The following ARHGAP6 variants were observed in gnomAD, a reference collection of about 807,000 sequenced individuals.
The protein encoded by ARHGAP6 is Rho GTPase activating protein 6, also known as rho GTPase-activating protein 6.
In ARHGAP6, 16 loss-of-function variants were observed where a neutral mutation model predicts 55.7. The observed-to-expected ratio is 0.29, with a 90% CI of 0.19 to 0.44. ARHGAP6 has a LOEUF of 0.44. Among genes scored for constraint, ARHGAP6 ranks in the 20% least tolerant of loss-of-function variants. The pLI, the probability that ARHGAP6 is intolerant of heterozygous loss-of-function variation, is 1.00. For missense variants in ARHGAP6, 698 were observed against 808.9 expected, an observed-to-expected ratio of 0.86 and a Z score of 1.66; for synonymous variants, 382 against 360.9, an observed-to-expected ratio of 1.06 and a Z score of -0.66.
chrX:11,162,045 G>T (rs1403506111), intron 9 of ARHGAP6, among the ~76,000 whole-genome samples: 1 of 111,342 alleles, frequency 9.0e-6, no homozygotes, highest in Non-Finnish European at 1.9e-5. Flanking sequence ...TGTTTACCCA[G>T]AACTGAAACA....
intron 8 of ARHGAP6, among the ~76,000 whole-genome samples, chrX:11,171,913 A>T (rs1239508901): frequency 2.7e-5 from 3 of 111,853 alleles, no homozygotes; most frequent in Non-Finnish European, 5.6e-5. Context: ...GTGGGGTAAA[A>T]TTGCTCCTGG....
chrX:11,266,759 T>C (rs772976268), intron 1 of ARHGAP6, among the ~76,000 whole-genome samples: 45 of 112,039 alleles, frequency 4.0e-4, no homozygotes, highest in Admixed American at 1.3e-3. Flanking sequence ...AGTTCTCTCA[T>C]GGGTCTCAAG....
rs765799638 is a variant in ARHGAP6 at position 11,356,232 on chromosome X, G to C, written c.589-101525C>G. Among the ~76,000 whole-genome samples the C allele has an allele frequency of 4.6e-5, 5 of 109,628 alleles. No individual in the cohort carries two copies. In the East Asian group the frequency reaches 1.1e-3, roughly 25 times the overall value. ...GAACAAAGAGAACACATGGACACAGGGAGGGGAACATCACACACCGGGGCC... is the reference window on the plus strand; with the variant it reads ...GAACAAAGAGAACACATGGACACAGCGAGGGGAACATCACACACCGGGGCC... On this transcript the variant is annotated intron_variant, in intron 1 of 12. Coordinates refer to ENST00000337414, the MANE Select transcript of ARHGAP6 (RefSeq NM_013427.3).
At chrX:11,308,610 C>T (rs909561948) in intron 1 of ARHGAP6, among the ~76,000 whole-genome samples, 3 of 111,340 alleles carry the variant, frequency 2.7e-5, no homozygotes, top group African/African-American at 9.8e-5. Flanking sequence ...TTATATAGTA[C>T]CCAATGATTG....
rs189763997 is a variant in ARHGAP6, at chrX:11,570,594, T to A, written c.588+93647A>T. 8.1e-5 allele frequency among the ~76,000 whole-genome samples: 9 copies of A among 110,675 alleles called. No individual in the cohort carries two copies. In the East Asian group the frequency reaches 2.6e-3, roughly 31 times the overall value. On this transcript the variant is annotated intron_variant, in intron 1 of 12. Transcript: ENST00000337414. ...CACTATTATTATCCCCCACTTATGG[T>A]ACAGAAACTGAGGCATGGGGAATCA...
intron 1 of ARHGAP6, among the ~76,000 whole-genome samples, chrX:11,359,695 CA>C (rs1377898498): frequency 9.0e-6 from 1 of 111,387 alleles, no homozygotes; most frequent in African/African-American, 3.3e-5. Flanking sequence ...AAAAACCCTT[CA>C]AAAAATTAAT....
intron 9 of ARHGAP6, among the ~76,000 whole-genome samples, chrX:11,168,710 TGAA>T (rs2046048697): frequency 8.9e-6 from 1 of 111,865 alleles, no homozygotes; most frequent in African/African-American, 3.2e-5. Flanking sequence ...AGAAAAAACA[TGAA>T]GAAGGTTCCT....
chrX:11,599,945 G>A (rs192481728), intron 1 of ARHGAP6, among the ~76,000 whole-genome samples: 1 of 112,212 alleles, frequency 8.9e-6, no homozygotes, highest in Non-Finnish European at 1.9e-5. Flanking sequence ...GTTTCAAAAC[G>A]AATGTTTCTA....
Position 11,339,344 on chromosome X carries a change from T to C in ARHGAP6, c.589-84637A>G, listed in dbSNP as rs2048675835. On this transcript the variant is annotated intron_variant, in intron 1 of 12. Coordinates refer to ENST00000337414, the MANE Select transcript of ARHGAP6 (RefSeq NM_013427.3). Reference sequence around the variant, plus strand: ...CCTCTCCCACTTCCTCATTCTTTAATGCGCAGGGAAGCCTTTCCTGACCCT... The same window carrying C: ...CCTCTCCCACTTCCTCATTCTTTAACGCGCAGGGAAGCCTTTCCTGACCCT... Among the ~76,000 whole-genome samples the C allele has an allele frequency of 3.6e-5, 4 of 111,339 alleles. No individual in the cohort carries two copies. In the Admixed American group the frequency reaches 3.8e-4, roughly 11 times the overall value.
At chrX:11,522,598 C>T (rs1393063140) in intron 1 of ARHGAP6, among the ~76,000 whole-genome samples, 1 of 111,677 alleles carries the variant, frequency 9.0e-6, no homozygotes, top group African/African-American at 3.3e-5. Flanking sequence ...TCAGAGAATA[C>T]TATAAACACC....
At chrX:11,623,908 A>G (rs1392208645) in intron 1 of ARHGAP6, among the ~76,000 whole-genome samples, 1 of 111,571 alleles carries the variant, frequency 9.0e-6, no homozygotes, top group East Asian at 2.8e-4. Context: ...ACAATAGAAA[A>G]CAGAATAGCC....
chrX:11,468,715 C>G (rs748744071), intron 1 of ARHGAP6, among the ~76,000 whole-genome samples: 22 of 112,205 alleles, frequency 2.0e-4, no homozygotes, highest in African/African-American at 6.8e-4. Flanking sequence ...GAGAAAATTT[C>G]TTCCAACAAA....
chrX:11,530,898 C>A (rs1304323253), intron 1 of ARHGAP6, among the ~76,000 whole-genome samples: 1 of 111,336 alleles, frequency 9.0e-6, no homozygotes, highest in Admixed American at 9.6e-5. Context: ...TCCTACCAAG[C>A]CTTATTAGAC....
At chrX:11,189,168 G>C (rs2046423343) in intron 3 of ARHGAP6, among the ~76,000 whole-genome samples, 184 bp from the exon 4 acceptor site, 1 of 111,930 alleles carries the variant, frequency 8.9e-6, no homozygotes, top group Non-Finnish European at 1.9e-5. Flanking sequence ...TTTCAATAAA[G>C]AAAACTAGTA....
At chrX:11,262,281 A>T (rs1048843550) in intron 1 of ARHGAP6, among the ~76,000 whole-genome samples, 23 of 111,799 alleles carry the variant, frequency 2.1e-4, no homozygotes, top group African/African-American at 7.5e-4. Context: ...AGTGTTAACT[A>T]AAGAGATTTC....
At chrX:11,633,254 A>G (rs2052379923) in intron 1 of ARHGAP6, among the ~76,000 whole-genome samples, 1 of 112,422 alleles carries the variant, frequency 8.9e-6, no homozygotes, top group Non-Finnish European at 1.9e-5. Flanking sequence ...CTGGACAAAC[A>G]TGCCTTGGTT....
At chrX:11,360,825 G>C (rs1404660283) in intron 1 of ARHGAP6, among the ~76,000 whole-genome samples, 13 of 111,192 alleles carry the variant, frequency 1.2e-4, no homozygotes, top group Non-Finnish European at 1.9e-4. Context: ...GATACAAAAT[G>C]AATGTACAAA....
chrX:11,384,163 A>G (rs1351234394), intron 1 of ARHGAP6, among the ~76,000 whole-genome samples: 1 of 112,133 alleles, frequency 8.9e-6, no homozygotes, highest in African/African-American at 3.2e-5. Context: ...CCTACTATGA[A>G]TGCTCTTGTA....
At chrX:11,282,158 T>A (rs1347889557) in intron 1 of ARHGAP6, among the ~76,000 whole-genome samples, 1 of 112,094 alleles carries the variant, frequency 8.9e-6, no homozygotes, top group Non-Finnish European at 1.9e-5. Context: ...TTTGTTTAAA[T>A]TAACAAAACC....
Sources: allele counts gnomAD v4.1 joint callset (sites outside exome capture counted in the v4.1 genomes callset), GRCh38; gene constraint gnomAD v4.1.1; transcripts MANE v1.5; gene names NCBI Gene and HGNC (gene_info 2026-07-23, HGNC 2026-07-21).